The following CWC27 variants were observed in gnomAD, a reference collection of about 807,000 sequenced individuals.
The protein encoded by CWC27 is spliceosome-associated protein CWC27 homolog.
A neutral mutation model predicts 63.6 loss-of-function variants in CWC27; 47 were observed. The ratio of observed to expected loss-of-function variants is 0.74; its 90% CI spans 0.58 to 0.94. The LOEUF (loss-of-function observed/expected upper bound fraction) is 0.94, where lower values mean the gene tolerates loss of function less well. CWC27 is among the 40% of genes least tolerant of loss of function. CWC27 has a pLI of 0.00. For synonymous variants in CWC27, 175 were observed against 179.8 expected, an observed-to-expected ratio of 0.97 and a Z score of 0.22; for missense variants, 495 against 554.3, an observed-to-expected ratio of 0.89 and a Z score of 1.07.
chr5:64,771,298 T>C (rs1389335578), intron 1 of CWC27, among the ~76,000 whole-genome samples: 2 of 152,256 alleles, frequency 1.3e-5, no homozygotes, highest in Admixed American at 6.5e-5. Flanking sequence ...TACTATCTAA[T>C]GGTACATTAG....
chr5:64,958,168 T>C (rs976392754), intron 11 of CWC27, among the ~76,000 whole-genome samples: 1 of 151,964 alleles, frequency 6.6e-6, no homozygotes, highest in Non-Finnish European at 1.5e-5. Flanking sequence ...ATTTAGAGAG[T>C]TAAAACTATA....
chr5:65,010,815 AG>A lies in CWC27; in HGVS notation c.1257-7343del, dbSNP rs1370211800. On this transcript the variant is annotated intron_variant, in intron 13 of 13. Transcript: ENST00000381070. ...AGAAATACCTTGTTTCAGCTGTTCG[AG>A]TAACTTATTACCCTTTTCTCTGGCA... Among the ~76,000 whole-genome samples, 21 of 152,244 alleles carry A rather than the reference AG, an allele frequency of 1.4e-4. 1 individual carries two copies. Among genetic ancestry groups the A allele is most frequent in the Admixed American group, 9.8e-4 (15 of 15,290 alleles).
chr5:64,946,163 A>G lies in CWC27; in HGVS notation c.1043-25540A>G, dbSNP rs539652424. Among the ~76,000 whole-genome samples the G allele has an allele frequency of 5.9e-5, 9 of 152,240 alleles. No individual in the cohort carries two copies. In the South Asian group the frequency reaches 1.7e-3, roughly 28 times the overall value. ...TAATTAGATTTGTAATTTTTAATCAATTGAGTAAAGTGAGGAGGCATGATT... is the reference window on the plus strand; with the variant it reads ...TAATTAGATTTGTAATTTTTAATCAGTTGAGTAAAGTGAGGAGGCATGATT... On this transcript the variant is annotated intron_variant, in intron 11 of 13. Coordinates refer to ENST00000381070, the MANE Select transcript of CWC27 (RefSeq NM_005869.4).
At chr5:64,787,054 AC>A (rs1206872086) in intron 6 of CWC27, among the ~76,000 whole-genome samples, 1 of 152,088 alleles carries the variant, frequency 6.6e-6, no homozygotes, top group Non-Finnish European at 1.5e-5. Context: ...CACTTATAAA[AC>A]CATCAGATCT....
At chr5:64,885,739 T>G (rs113205609) in intron 11 of CWC27, among the ~76,000 whole-genome samples, 193 bp downstream of exon 11, 34 of 24,262 alleles carry the variant, frequency 1.4e-3, no homozygotes, top group South Asian at 2.9e-3. Flanking sequence ...GTGTGTGTGT[T>G]TTTAATACTT....
intron 11 of CWC27, among the ~76,000 whole-genome samples, chr5:64,938,455 G>A (rs977290359): frequency 2.0e-5 from 3 of 152,150 alleles, no homozygotes; most frequent in African/African-American, 7.2e-5. Flanking sequence ...TGGCTTGTAG[G>A]GTTTCTGCAG....
intron 10 of CWC27, among the ~76,000 whole-genome samples, chr5:64,883,635 A>G (rs775674197): frequency 8.5e-5 from 13 of 152,226 alleles, no homozygotes; most frequent in Non-Finnish European, 1.6e-4. Flanking sequence ...CCAAAAAGGA[A>G]GAGGAGAAAT....
rs1211082437 is a variant in CWC27 at position 64,937,921 on chromosome 5, CTTTTT to C, written c.1043-33767_1043-33763del. 1.8e-3 allele frequency among the ~76,000 whole-genome samples: 177 copies of C among 99,310 alleles called. 4 individuals carry two copies. Among genetic ancestry groups the C allele is most frequent in the African/African-American group, 6.7e-3 (152 of 22,552 alleles). 65.2% of individuals were successfully genotyped at this position (99,310 alleles called of 152,430 possible). On this transcript the variant is annotated intron_variant, in intron 11 of 13. Transcript: ENST00000381070. ...TCAGAGACTGGGATTGCAATCTCTGCTTTTTTTTTTTTTTTTTTTGCTTTCCATTT... is the reference window on the plus strand; with the variant it reads ...TCAGAGACTGGGATTGCAATCTCTGCTTTTTTTTTTTTTTGCTTTCCATTT...
intron 10 of CWC27, among the ~76,000 whole-genome samples, chr5:64,865,210 A>T (rs970464273): frequency 1.2e-4 from 18 of 152,032 alleles, no homozygotes; most frequent in Non-Finnish European, 1.9e-4. Context: ...TTACAGTGAG[A>T]CAGGATGTGG....
intron 10 of CWC27, among the ~76,000 whole-genome samples, chr5:64,876,832 T>C (rs1380207879): frequency 6.6e-6 from 1 of 152,084 alleles, no homozygotes; most frequent in Admixed American, 6.6e-5. Flanking sequence ...CTGACAGTTA[T>C]GCAAGATACT....
intron 11 of CWC27, among the ~76,000 whole-genome samples, chr5:64,902,256 G>A (rs764851070): frequency 1.3e-5 from 2 of 152,164 alleles, no homozygotes; most frequent in Admixed American, 6.5e-5. Context: ...AAATGCATGA[G>A]TAATGTGTTG....
chr5:64,790,391 T>C (rs1476406190), intron 7 of CWC27, among the ~76,000 whole-genome samples: 1 of 152,210 alleles, frequency 6.6e-6, no homozygotes, highest in East Asian at 1.9e-4. Context: ...TCTTGCATTG[T>C]TTATGATTCA....
intron 11 of CWC27, among the ~76,000 whole-genome samples, chr5:64,907,440 G>A (rs557237317): frequency 5.3e-5 from 8 of 152,288 alleles, no homozygotes; most frequent in African/African-American, 1.9e-4. Context: ...TTGTGAATGG[G>A]AGTTCACTCA....
chr5:64,771,958 T>G (rs1743272973), intron 1 of CWC27, among the ~76,000 whole-genome samples: 1 of 152,244 alleles, frequency 6.6e-6, no homozygotes, highest in Non-Finnish European at 1.5e-5. Context: ...GACTATCATT[T>G]TTTGAGCACT....
At chr5:64,985,386 A>G (rs1056245497) in intron 13 of CWC27, among the ~76,000 whole-genome samples, 1 of 152,100 alleles carries the variant, frequency 6.6e-6, no homozygotes, top group Non-Finnish European at 1.5e-5. Flanking sequence ...TACTATGTTG[A>G]GTTTTCCAAT....
At chr5:64,944,361 A>G (rs1748547564) in intron 11 of CWC27, among the ~76,000 whole-genome samples, 1 of 152,128 alleles carries the variant, frequency 6.6e-6, no homozygotes, top group African/African-American at 2.4e-5. Flanking sequence ...ACAACTGCTT[A>G]GCCCTCTTAA....
intron 11 of CWC27, among the ~76,000 whole-genome samples, chr5:64,961,450 TA>T (rs1053371124): frequency 6.6e-6 from 1 of 152,148 alleles, no homozygotes; most frequent in African/African-American, 2.4e-5. Flanking sequence ...ATAACTAATA[TA>T]TTTTTTTAAT....
intron 7 of CWC27, among the ~76,000 whole-genome samples, chr5:64,799,742 A>G (rs1744421025): frequency 6.6e-6 from 1 of 152,024 alleles, no homozygotes; most frequent in African/African-American, 2.4e-5. Context: ...TCACTGATAA[A>G]TATTCTCATG....
chr5:64,904,958 T>TG (rs1747595752), intron 11 of CWC27, among the ~76,000 whole-genome samples: 1 of 152,138 alleles, frequency 6.6e-6, no homozygotes, highest in South Asian at 2.1e-4. Context: ...CCCAGCACTT[T>TG]GGGAGGCCAA....
Sources: allele counts gnomAD v4.1 joint callset (sites outside exome capture counted in the v4.1 genomes callset), GRCh38; gene constraint gnomAD v4.1.1; transcripts MANE v1.5; gene names NCBI Gene and HGNC (gene_info 2026-07-23, HGNC 2026-07-21).